IRX2: variants seen among roughly 807,000 people sequenced by gnomAD.
IRX2 encodes iroquois-class homeodomain protein IRX-2.
Under a neutral mutation model 42.9 loss-of-function variants are expected in IRX2, and 26 were observed. The ratio of observed to expected loss-of-function variants is 0.61; its 90% confidence interval spans 0.44 to 0.84. The LOEUF (loss-of-function observed/expected upper bound fraction) is 0.84. IRX2 is among the 40% of genes least tolerant of loss of function. The pLI, the probability that IRX2 is intolerant of heterozygous loss-of-function variation, is 0.00. For synonymous variants in IRX2, 424 were observed against 353.9 expected, an observed-to-expected ratio of 1.20 and a Z score of -2.22; for missense variants, 782 against 713.9, an observed-to-expected ratio of 1.10 and a Z score of -1.09.
chr5:2,738,804 A>G, the IRX2 span, among the ~76,000 whole-genome samples: 2 of 152,036 alleles, frequency 1.3e-5, no homozygotes, highest in East Asian at 3.9e-4. Context: ...GAGACCCTCC[A>G]CCTGAACTAC....
At chr5:2,743,807 T>C (rs576669418), downstream of IRX2, among the ~76,000 whole-genome samples, 1 of 152,252 alleles carries the variant, frequency 6.6e-6, no homozygotes, top group African/African-American at 2.4e-5. Context: ...ATGACCAGCA[T>C]GGAGAGGAGC....
the IRX2 span, chr5:2,737,439 C>G: frequency 6.6e-6 from 1 of 152,202 alleles, no homozygotes; most frequent in African/African-American, 2.4e-5. Context: ...CCTTCCTTGG[C>G]TTCATCTAAC....
At position 2,748,686 on chromosome 5, in the gene IRX2, T is replaced by C; in HGVS notation, c.1022A>G (p.Lys341Arg). The change falls in exon 3 of 4, where the codon AAG becomes AGG. Residue 341 changes from lysine (K) to arginine (R), a missense_variant. By Grantham distance (26) the Lys-to-Arg change is conservative. This residue lies in a region of IRX2 where 520 missense variants were observed against 437.8 expected (regional missense o/e 1.19). Transcript: ENST00000302057. ...SLAEIATSDL[K>R]QPSLGPGCGP... is the part of the protein sequence containing the mutation. ...GCAGCCCGGGCCCAGGCTCGGCTGC[T>C]TGAGGTCCGACGTGGCGATCTCGGC... 1 of 1,396,882 alleles carries C rather than the reference T, an allele frequency of 7.2e-7. No individual in the cohort carries two copies. Among genetic ancestry groups the C allele is most frequent in the Non-Finnish European group, 9.3e-7 (1 of 1,076,142 alleles). The allele number at this position is 1,396,882 out of a possible 1,614,324, so 86.5% of individuals were successfully genotyped here. A position where few individuals can be genotyped will look rare whatever the true frequency, so the allele number is the denominator to read the frequency against.
Position 2,751,041 on chromosome 5 carries a change from C to T in IRX2, c.249+124G>A, listed in dbSNP as rs1468182681. 1 of 1,117,124 alleles carries T rather than the reference C, an allele frequency of 9.0e-7. No individual in the cohort carries two copies. Among genetic ancestry groups the T allele is most frequent in the Non-Finnish European group, 1.1e-6 (1 of 900,180 alleles). The allele number at this position is 1,117,124 out of a possible 1,614,324, so 69.2% of individuals were successfully genotyped here. A position where few individuals can be genotyped will look rare whatever the true frequency, so the allele number is the denominator to read the frequency against. On this transcript the variant is annotated intron_variant, in intron 1 of 3. Coordinates refer to ENST00000302057, the MANE Select transcript of IRX2 (RefSeq NM_033267.5). The surrounding 1 kb of genome is among the most constrained non-coding windows in gnomAD (Gnocchi z 4.0). ...GGGGCGGCCAACCGAGCCGGCGACT[C>T]CTGAGTCGCCAGCCGCGCCACATTC...
the IRX2 span, among the ~76,000 whole-genome samples, chr5:2,740,672 C>T: frequency 6.6e-6 from 1 of 152,132 alleles, no homozygotes; most frequent in Non-Finnish European, 1.5e-5. Flanking sequence ...TCAAGACTCC[C>T]CAGGGAGCAC....
At chr5:2,736,627 G>A in the IRX2 span, 1 of 152,144 alleles carries the variant, frequency 6.6e-6, no homozygotes, top group African/African-American at 2.4e-5. Context: ...AACCACTATT[G>A]TCAAAACACA....
intron 3 of IRX2, 147 bp downstream of exon 3, chr5:2,748,198 C>T (rs1036517126): frequency 4.6e-6 from 3 of 647,588 alleles, no homozygotes; most frequent in African/African-American, 1.9e-5. Flanking sequence ...CCATCTCGCC[C>T]TCCGCCCTCA....
intron 1 of IRX2, among the ~76,000 whole-genome samples, chr5:2,750,572 G>A (rs1215262149): frequency 6.6e-6 from 1 of 152,212 alleles, no homozygotes; most frequent in African/African-American, 2.4e-5. Context: ...AGCGGGTCAC[G>A]CGCCCGCAAG....
At chr5:2,735,843 T>A in the IRX2 span, among the ~76,000 whole-genome samples, 1 of 152,178 alleles carries the variant, frequency 6.6e-6, no homozygotes, top group Non-Finnish European at 1.5e-5. Context: ...GTAAATTGTC[T>A]GAGATTTGAA....
At chr5:2,749,163 C>A in intron 2 of IRX2, 111 bp from the exon 3 acceptor site, 15 of 1,488,060 alleles carry the variant, frequency 1.0e-5, no homozygotes, top group African/African-American at 1.4e-5. Context: ...CCCCTCACCT[C>A]GCCCCCACCC....
chr5:2,751,181 CCGGCGGCGGCGG>C lies in IRX2; in HGVS notation c.221_232del (p.Ala74_Ala77del). On this transcript the variant is annotated inframe_deletion, in exon 1 of 4. Coordinates refer to ENST00000302057, the MANE Select transcript of IRX2 (RefSeq NM_033267.5). This position sits in a 1 kb window ranked among gnomAD's most constrained non-coding sequence, Gnocchi z 4.0. ...CCCGGTTACCATGTAGGACGGGAAG[CCGGCGGCGGCGG>C]CGGCGGCGTCGGCCGAGTACTGCAG... is the stretch of plus-strand genomic sequence containing the variant. The C allele has an allele frequency of 7.9e-7, 1 of 1,266,642 alleles. No homozygotes were observed. Among genetic ancestry groups the C allele is most frequent in the South Asian group, 2.5e-5 (1 of 40,006 alleles). 78.5% of individuals were successfully genotyped at this position (1,266,642 alleles called of 1,614,324 possible).
the IRX2 span, among the ~76,000 whole-genome samples, chr5:2,740,327 G>A: frequency 6.6e-6 from 1 of 151,956 alleles, no homozygotes. Flanking sequence ...CGGTCACACC[G>A]GGGCTGAGGT....
chr5:2,739,550 G>C, the IRX2 span, among the ~76,000 whole-genome samples: 1 of 152,234 alleles, frequency 6.6e-6, no homozygotes, highest in Non-Finnish European at 1.5e-5. Context: ...GGGGGACCGG[G>C]GAGGAGAGGA....
rs1348221326 is a variant in IRX2 at position 2,748,741 on chromosome 5, G to A, written c.967C>T (p.Pro323Ser). 9 of 1,365,746 alleles carry A rather than the reference G, an allele frequency of 6.6e-6. No individual in the cohort carries two copies. In the Admixed American group the frequency reaches 2.1e-4, roughly 32 times the overall value. The allele number at this position is 1,365,746 out of a possible 1,614,324, so 84.6% of individuals were successfully genotyped here. A position where few individuals can be genotyped will look rare whatever the true frequency, so the allele number is the denominator to read the frequency against. The change falls in exon 3 of 4, where the codon CCC (proline) becomes TCC (serine). Residue 323 changes from proline (P) to serine (S), a missense_variant. Physicochemically the swap from Pro to Ser is moderately conservative, Grantham distance 74 (BLOSUM62 -1). Around this residue, in one of 3 missense-constraint regions of IRX2, gnomAD observed 520 missense variants for 437.8 expected, o/e 1.19. Transcript: ENST00000302057. ...GSRTSPGAPP[P>S]ASKPKLWSLA... ...GACCACAGCTTGGGCTTGCTGGCGG[G>A]GGGCGGCGCGCCCGGAGACGTCCGG...
the IRX2 span, among the ~76,000 whole-genome samples, chr5:2,740,541 G>A: frequency 1.6e-4 from 25 of 152,332 alleles, no homozygotes; most frequent in African/African-American, 5.8e-4. Context: ...ACAGTCCCGG[G>A]GCTGGAGAGC....
chr5:2,740,164 C>A, the IRX2 span, among the ~76,000 whole-genome samples: 1 of 149,830 alleles, frequency 6.7e-6, no homozygotes, highest in Non-Finnish European at 1.5e-5. Context: ...CTGGGGCCGC[C>A]GGGGCAGTCG....
downstream of IRX2, among the ~76,000 whole-genome samples, chr5:2,744,593 C>G (rs541095787): frequency 4.6e-5 from 7 of 152,326 alleles, no homozygotes; most frequent in Admixed American, 4.6e-4. Flanking sequence ...CCCTTTTACC[C>G]TCCAGACCTC....
Position 2,749,067 on chromosome 5 carries a change from G to T in IRX2, c.656-15C>A, listed in dbSNP as rs779157869. 1 of 1,593,768 alleles carries T rather than the reference G, an allele frequency of 6.3e-7. No homozygotes were observed. The highest frequency in any genetic ancestry group is 1.1e-5 in the South Asian group (1 of 90,304). On this transcript the variant is annotated splice_polypyrimidine_tract_variant and intron_variant, in intron 2 of 3. Coordinates refer to ENST00000302057, the MANE Select transcript of IRX2 (RefSeq NM_033267.5). ...CAGGCTGATCCCTGTGGGGGCGCGG[G>T]CACGGTGGGTGGCACGAGGGGACAG... is the stretch of plus-strand genomic sequence containing the variant.
intron 1 of IRX2, among the ~76,000 whole-genome samples, chr5:2,750,856 G>C (rs1204120275): frequency 2.0e-5 from 3 of 152,204 alleles, no homozygotes; most frequent in Admixed American, 1.3e-4. Context: ...GACAAACGGC[G>C]CCAGACCCCG....
Sources: allele counts gnomAD v4.1 joint callset (sites outside exome capture counted in the v4.1 genomes callset), GRCh38; gene constraint gnomAD v4.1.1; regional missense constraint gnomAD v4.1.1; non-coding constraint Gnocchi (gnomAD v3.1); transcripts MANE v1.5; gene names NCBI Gene and HGNC (gene_info 2026-07-23, HGNC 2026-07-21).